AGTPBP1: variants seen among roughly 807,000 people sequenced by gnomAD.
AGTPBP1 encodes cytosolic carboxypeptidase 1.
A neutral mutation model predicts 143.9 loss-of-function variants in AGTPBP1; 70 were observed. That is an observed-to-expected ratio of 0.49 (90% CI 0.40 to 0.59). AGTPBP1 has a LOEUF of 0.59. Among genes scored for constraint, AGTPBP1 ranks in the 20% least tolerant of loss-of-function variants. The pLI, the probability that AGTPBP1 is intolerant of heterozygous loss-of-function variation, is 0.00. For synonymous variants in AGTPBP1, 463 were observed against 500.2 expected (o/e 0.93, Z 0.99); for missense variants, 1,229 against 1,464.5 (o/e 0.84, Z 2.62).
chr9:85,596,488 T>A, intron 17 of AGTPBP1, 39 bp from the exon 18 acceptor site: 1 of 1,371,434 alleles, frequency 7.3e-7, no homozygotes, highest in Non-Finnish European at 9.9e-7. Context: ...ATTATTTTCA[T>A]AATTTTTCAA....
intron 3 of AGTPBP1, among the ~76,000 whole-genome samples, chr9:85,686,932 C>T (rs1392147998): frequency 1.3e-5 from 2 of 152,058 alleles, no homozygotes; most frequent in African/African-American, 4.8e-5. Context: ...AAATTGGAAG[C>T]ACTAAAACAC....
At chr9:85,711,758 G>A (rs1222799195) in intron 2 of AGTPBP1, among the ~76,000 whole-genome samples, 1 of 151,562 alleles carries the variant, frequency 6.6e-6, no homozygotes, top group Non-Finnish European at 1.5e-5. Context: ...TTCTGTAAAG[G>A]GCCAAATAGT....
chr9:85,803,015 A>G, the AGTPBP1 span, among the ~76,000 whole-genome samples: 11 of 152,204 alleles, frequency 7.2e-5, no homozygotes, highest in African/African-American at 2.7e-4. Context: ...ATTATGATGG[A>G]CAATTAGCAG....
intron 23 of AGTPBP1, among the ~76,000 whole-genome samples, chr9:85,579,853 C>T (rs1485712891): frequency 6.7e-6 from 1 of 150,204 alleles, no homozygotes. Context: ...AGTCACTCTT[C>T]ATTAAATTAA....
rs766678588 is a variant in AGTPBP1, at chr9:85,619,285, C to G, written c.2116G>C (p.Glu706Gln). 7 of 1,611,998 alleles carry G rather than the reference C, an allele frequency of 4.3e-6. No homozygotes were observed. The highest frequency in any genetic ancestry group is 5.9e-6 in the Non-Finnish European group (7 of 1,178,830). The change falls in exon 16 of 26, where the codon GAG becomes CAG. Residue 706 changes from glutamate to glutamine, a missense_variant. Glu to Gln is a conservative substitution (Grantham distance 29). This residue lies in a region of AGTPBP1 where 486 missense variants were observed against 652.3 expected (regional missense o/e 0.75). Coordinates refer to ENST00000357081, the MANE Select transcript of AGTPBP1 (RefSeq NM_001330701.2). Reference protein sequence around the residue: ...LDNPNYTIPEEGDILKFNSKF... With the variant: ...LDNPNYTIPEQGDILKFNSKF... Reference sequence around the variant, plus strand: ...GAGTTAAATTTCAAAATATCTCCCTCTTCTGGAATGGTGTAACTAAATAAA... The same window carrying G: ...GAGTTAAATTTCAAAATATCTCCCTGTTCTGGAATGGTGTAACTAAATAAA...
chr9:85,786,611 G>A, the AGTPBP1 span: 14 of 1,560,868 alleles, frequency 9.0e-6, no homozygotes, highest in Admixed American at 2.5e-4. Context: ...TAGTAGATAT[G>A]TAAAAAGATT....
the AGTPBP1 span, chr9:85,781,077 G>A: frequency 2.6e-5 from 33 of 1,254,398 alleles, no homozygotes; most frequent in Non-Finnish European, 3.3e-5. Context: ...AGCATATCAC[G>A]CCACTGCACT....
chr9:85,574,785 T>C (rs1827790745), intron 25 of AGTPBP1, among the ~76,000 whole-genome samples: 1 of 152,008 alleles, frequency 6.6e-6, no homozygotes, highest in Non-Finnish European at 1.5e-5. Context: ...CTTGGCTTGC[T>C]GCAACCTCCA....
chr9:85,706,867 C>T (rs1019832898), intron 2 of AGTPBP1, among the ~76,000 whole-genome samples: 4 of 151,908 alleles, frequency 2.6e-5, no homozygotes, highest in Non-Finnish European at 5.9e-5. Context: ...CAGAGCAAGA[C>T]TCCATCTCAA....
chr9:85,773,599 A>G, the AGTPBP1 span, among the ~76,000 whole-genome samples: 1 of 151,966 alleles, frequency 6.6e-6, no homozygotes, highest in Non-Finnish European at 1.5e-5. Flanking sequence ...CAGACTCCCA[A>G]ACTGCTAGGA....
chr9:85,632,641 G>A (rs763829544), intron 14 of AGTPBP1, 21 bp downstream of exon 14: 1 of 1,544,560 alleles, frequency 6.5e-7, no homozygotes, highest in South Asian at 1.3e-5. Context: ...ATTTAGAAGA[G>A]GGAAGAAATA....
intron 17 of AGTPBP1, among the ~76,000 whole-genome samples, chr9:85,612,071 C>G (rs542106433): frequency 6.6e-6 from 1 of 152,166 alleles, no homozygotes; most frequent in Non-Finnish European, 1.5e-5. Context: ...TGTCATTTCC[C>G]AAGCAATGGA....
At chr9:85,785,206 C>T in the AGTPBP1 span, among the ~76,000 whole-genome samples, 20 of 152,114 alleles carry the variant, frequency 1.3e-4, no homozygotes, top group East Asian at 3.7e-3. Flanking sequence ...TGGTGGCGGG[C>T]GCCTGTAGTC....
chr9:85,687,481 C>T (rs1282644718), intron 3 of AGTPBP1, among the ~76,000 whole-genome samples: 1 of 151,980 alleles, frequency 6.6e-6, no homozygotes, highest in Non-Finnish European at 1.5e-5. Flanking sequence ...TAAAACAAGT[C>T]TCAAGCAATT....
At chr9:85,644,451 T>G (rs946028374) in intron 12 of AGTPBP1, among the ~76,000 whole-genome samples, 11 of 147,100 alleles carry the variant, frequency 7.5e-5, no homozygotes, top group African/African-American at 2.7e-4. Flanking sequence ...AAAAAAAGGC[T>G]TTACCTGTAA....
At chr9:85,650,045 T>TC (rs1833056642) in intron 11 of AGTPBP1, among the ~76,000 whole-genome samples, 1 of 142,292 alleles carries the variant, frequency 7.0e-6, no homozygotes, top group Non-Finnish European at 1.6e-5. Flanking sequence ...AACTTTCCTT[T>TC]TTTTTTTTTT....
chr9:85,546,984 G>T lies in AGTPBP1; in HGVS notation c.*125C>A, dbSNP rs1825773165. On this transcript the variant is annotated 3_prime_UTR_variant, in exon 26 of 26. Coordinates refer to ENST00000357081, the MANE Select transcript of AGTPBP1 (RefSeq NM_001330701.2). ...ACATTTATTATCTTGAAACCAAACT[G>T]GCCCAAGTTACTTTTTGTCTTTTTG... 6 of 929,366 alleles carry T rather than the reference G, an allele frequency of 6.5e-6. No homozygotes were observed. The Admixed American group carries it at 1.8e-4, about 28-fold the overall frequency. 57.6% of individuals were successfully genotyped at this position (929,366 alleles called of 1,614,324 possible).
chr9:85,668,967 ATGTGTGTGTGTGTGTGTGTGTG>A (rs539493558), intron 8 of AGTPBP1, among the ~76,000 whole-genome samples: 1 of 114,438 alleles, frequency 8.7e-6, no homozygotes, highest in East Asian at 2.6e-4. Context: ...ACATACATAC[ATGTGTGTGTGTGTGTGTGTGTG>A]TGTGTGTGTG....
chr9:85,744,515 G>A (rs923551485), upstream of AGTPBP1, among the ~76,000 whole-genome samples: 1 of 152,136 alleles, frequency 6.6e-6, no homozygotes, highest in Admixed American at 6.5e-5. Context: ...TCAGGTACAC[G>A]GACACTTGAA....
Sources: allele counts gnomAD v4.1 joint callset (sites outside exome capture counted in the v4.1 genomes callset), GRCh38; gene constraint gnomAD v4.1.1; regional missense constraint gnomAD v4.1.1; transcripts MANE v1.5; gene names NCBI Gene and HGNC (gene_info 2026-07-23, HGNC 2026-07-21).